Variants in SUPT3H observed in about 807,000 individuals in gnomAD.
The protein encoded by SUPT3H is SPT3 homolog, SAGA and STAGA complex component.
SUPT3H carries 44 observed loss-of-function variants against 44.3 expected under a neutral mutation model. That is an observed-to-expected ratio of 0.99 (90% confidence interval 0.78 to 1.28). SUPT3H has a LOEUF of 1.28. Ranked by LOEUF, SUPT3H falls within the 50% of genes most tolerant of loss-of-function variation. The probability of loss-of-function intolerance (pLI) is 0.00; values close to 1 mark genes in which losing one functional copy is unlikely to be tolerated. For missense variants in SUPT3H, 380 were observed against 387.1 expected (o/e 0.98, Z 0.15); for synonymous variants, 124 against 125.6 (o/e 0.99, Z 0.09).
intron 3 of SUPT3H, among the ~76,000 whole-genome samples, chr6:45,102,945 A>C (rs1239019588): frequency 1.3e-5 from 2 of 151,876 alleles, no homozygotes; most frequent in South Asian, 2.1e-4. Context: ...TCTCAAAAAA[A>C]AGAAAAAAAA....
At chr6:44,888,300 G>A (rs1229232831) in intron 10 of SUPT3H, among the ~76,000 whole-genome samples, 1 of 152,056 alleles carries the variant, frequency 6.6e-6, no homozygotes, top group African/African-American at 2.4e-5. Flanking sequence ...AAGCCGGGCA[G>A]AGACACAACA....
At chr6:45,006,038 TTTATTA>T (rs562419924) in intron 5 of SUPT3H, among the ~76,000 whole-genome samples, 5 of 151,884 alleles carry the variant, frequency 3.3e-5, no homozygotes, top group South Asian at 4.2e-4. Flanking sequence ...TTTATCCTGT[TTTATTA>T]TTATTATTAT....
intron 3 of SUPT3H, among the ~76,000 whole-genome samples, chr6:45,053,465 G>C (rs1477151055): frequency 6.6e-6 from 1 of 152,008 alleles, no homozygotes; most frequent in South Asian, 2.1e-4. Flanking sequence ...TTCAGCATTT[G>C]AGAAAACAGT....
intron 6 of SUPT3H, among the ~76,000 whole-genome samples, chr6:44,995,411 G>A (rs935529427): frequency 6.6e-6 from 1 of 151,934 alleles, no homozygotes; most frequent in African/African-American, 2.4e-5. Context: ...CTAGAAACAA[G>A]GGACAATTAA....
intron 2 of SUPT3H, among the ~76,000 whole-genome samples, chr6:45,299,923 C>T (rs1781884471): frequency 6.6e-6 from 1 of 151,064 alleles, no homozygotes; most frequent in Non-Finnish European, 1.5e-5. Context: ...TATAACATGA[C>T]TTTTATATGC....
chr6:44,846,398 A>G (rs1771877562), intron 10 of SUPT3H, among the ~76,000 whole-genome samples: 1 of 152,064 alleles, frequency 6.6e-6, no homozygotes. Flanking sequence ...AAGAGGCTCA[A>G]AGGTAGTTCA....
At chr6:45,033,721 A>AAAATCC (rs1329072698) in intron 3 of SUPT3H, among the ~76,000 whole-genome samples, 1 of 152,126 alleles carries the variant, frequency 6.6e-6, no homozygotes, top group Non-Finnish European at 1.5e-5. Context: ...GCCAGACTAT[A>AAAATCC]TTAAGGTTAT....
chr6:45,313,838 A>G (rs1189598716), intron 2 of SUPT3H, among the ~76,000 whole-genome samples: 1 of 152,066 alleles, frequency 6.6e-6, no homozygotes, highest in African/African-American at 2.4e-5. Flanking sequence ...GGACATAACC[A>G]AAAAAGAAAA....
chr6:45,338,111 T>C (rs1391573238), intron 2 of SUPT3H, among the ~76,000 whole-genome samples: 4 of 152,040 alleles, frequency 2.6e-5, no homozygotes, highest in Non-Finnish European at 4.4e-5. Flanking sequence ...ACAGATAAAG[T>C]TCTGTGTAGC....
At chr6:45,069,693 G>C (rs1794072536) in intron 3 of SUPT3H, among the ~76,000 whole-genome samples, 1 of 151,794 alleles carries the variant, frequency 6.6e-6, no homozygotes, top group Non-Finnish European at 1.5e-5. Flanking sequence ...ATGAGGGCGA[G>C]GAAACCACCA....
At chr6:45,012,428 A>C (rs1401042776) in intron 5 of SUPT3H, among the ~76,000 whole-genome samples, 1 of 151,960 alleles carries the variant, frequency 6.6e-6, no homozygotes, top group Admixed American at 6.6e-5. Flanking sequence ...TGCCAGCTGA[A>C]AACAACTATT....
At chr6:44,940,886 T>G (rs1349023688) in intron 9 of SUPT3H, among the ~76,000 whole-genome samples, 1 of 152,150 alleles carries the variant, frequency 6.6e-6, no homozygotes, top group African/African-American at 2.4e-5. Context: ...TGCTGTTCAC[T>G]TTTGCTTTAT....
chr6:45,334,822 T>A (rs764533234), intron 2 of SUPT3H, among the ~76,000 whole-genome samples: 1 of 151,152 alleles, frequency 6.6e-6, no homozygotes. Flanking sequence ...ATAATCAAAA[T>A]TTTTTTGCAT....
At chr6:45,283,592 C>T (rs1346628792) in intron 2 of SUPT3H, among the ~76,000 whole-genome samples, 1 of 152,038 alleles carries the variant, frequency 6.6e-6, no homozygotes, top group Non-Finnish European at 1.5e-5. Flanking sequence ...AAAGCAAGTC[C>T]TCAGAGACCT....
chr6:45,369,773 G>A (rs1321253492), intron 1 of SUPT3H, among the ~76,000 whole-genome samples: 1 of 152,130 alleles, frequency 6.6e-6, no homozygotes, highest in Non-Finnish European at 1.5e-5. Flanking sequence ...TATAATGCAA[G>A]AGACAAGCAC....
At chr6:44,843,664 A>C (rs1300052304) in intron 10 of SUPT3H, among the ~76,000 whole-genome samples, 1 of 152,118 alleles carries the variant, frequency 6.6e-6, no homozygotes, top group Non-Finnish European at 1.5e-5. Context: ...GGGACTCTTA[A>C]AATATGTGTA....
chr6:45,168,887 A>AT (rs1254819666), intron 2 of SUPT3H, among the ~76,000 whole-genome samples: 1 of 152,158 alleles, frequency 6.6e-6, no homozygotes, highest in Non-Finnish European at 1.5e-5. Context: ...AGAGACTTAA[A>AT]TTTTTTCAAA....
chr6:45,114,335 AATTACTAAAT>A (rs1421766299), intron 2 of SUPT3H, among the ~76,000 whole-genome samples: 1 of 150,234 alleles, frequency 6.7e-6, no homozygotes, highest in African/African-American at 2.5e-5. Flanking sequence ...ATAACTAATG[AATTACTAAAT>A]AAATAATTTG....
intron 2 of SUPT3H, among the ~76,000 whole-genome samples, chr6:45,208,884 CTTACCCTCTT>C (rs1763637372): frequency 7.9e-5 from 2 of 25,282 alleles, no homozygotes; most frequent in African/African-American, 6.1e-4. Context: ...AGGCTGATGA[CTTACCCTCTT>C]GTTAGGGGCT....
Sources: gnomAD v4.1 joint callset for allele counts (sites outside exome capture counted in the v4.1 genomes callset) on GRCh38, gnomAD v4.1.1 for gene constraint, MANE v1.5 for transcripts, NCBI Gene and HGNC (gene_info 2026-07-23, HGNC 2026-07-21) for gene names.